ACSL1: variants seen among roughly 807,000 people sequenced by gnomAD.
ACSL1 encodes long-chain-fatty-acid--CoA ligase 1.
In ACSL1, 41 loss-of-function variants were observed where a neutral mutation model predicts 98.4. The ratio of observed to expected loss-of-function variants is 0.42; its 90% CI spans 0.32 to 0.54. The LOEUF (loss-of-function observed/expected upper bound fraction) is 0.54, where lower values mean the gene tolerates loss of function less well. Ranked by LOEUF, ACSL1 falls within the 20% of genes least tolerant of loss-of-function variation. The probability of loss-of-function intolerance (pLI) is 0.13; values close to 1 mark genes in which losing one functional copy is unlikely to be tolerated. For missense variants in ACSL1, 734 were observed against 883.1 expected (o/e 0.83, Z 2.14); for synonymous variants, 316 against 322.7 (o/e 0.98, Z 0.22).
chr4:184,796,117 C>A (rs1239707395), intron 2 of ACSL1, among the ~76,000 whole-genome samples: 1 of 152,214 alleles, frequency 6.6e-6, no homozygotes, highest in Non-Finnish European at 1.5e-5. Flanking sequence ...CAGCTGCCAG[C>A]ATGGCCAAAA....
intron 2 of ACSL1, among the ~76,000 whole-genome samples, chr4:184,790,686 T>G (rs1303942697): frequency 6.6e-6 from 1 of 152,250 alleles, no homozygotes; most frequent in Non-Finnish European, 1.5e-5. Flanking sequence ...CTGTTTTCTT[T>G]TCTGTAAAAT....
At chr4:184,762,359 C>T (rs1335926063) in intron 17 of ACSL1, 48 bp downstream of exon 17, 7 of 1,484,952 alleles carry the variant, frequency 4.7e-6, no homozygotes, top group East Asian at 4.5e-5. Context: ...CATTTTCTTC[C>T]CCACAGTGGA....
rs1218018006 is a variant in ACSL1, at chr4:184,816,714, TC to T, written c.-33+9201del. Among the ~76,000 whole-genome samples, 20 of 152,264 alleles carry T rather than the reference TC, an allele frequency of 1.3e-4. 1 individual carries two copies. Among genetic ancestry groups the T allele is most frequent in the Admixed American group, 4.6e-4 (7 of 15,258 alleles). ...GTTTTGCTGTTTCATTATACCCACT[TC>T]TTAAAAAATTACTTTAAGTTACATC... On this transcript the variant is annotated intron_variant, in intron 1 of 20. Transcript: ENST00000281455.
Position 184,768,421 on chromosome 4 carries a change from G to A in ACSL1, c.1023C>T (p.Ile341=), listed in dbSNP as rs771970470. ...GCCTGATATCTCCTTGGAAAAATCC[G>A]ATTTTAGCTCCATGACACAGCATTA... ...ECVMLCHGAK[I]GFFQGDIRLL... is the part of the protein sequence containing the mutation. Residue 341 remains isoleucine, a synonymous_variant, in exon 12 of 21, where the codon ATC becomes ATT. Transcript: ENST00000281455. 2.1e-5 allele frequency: 34 copies of A among 1,613,572 alleles called. No homozygotes were observed. The highest frequency in any genetic ancestry group is 1.6e-4 in the Middle Eastern group (1 of 6,080).
At chr4:184,775,813 T>C (rs1221330448) in intron 7 of ACSL1, among the ~76,000 whole-genome samples, 1 of 152,260 alleles carries the variant, frequency 6.6e-6, no homozygotes, top group African/African-American at 2.4e-5. Context: ...TGTTTTCCTA[T>C]GACTTGTTAT....
chr4:184,771,114 A>G (rs1231713430), intron 10 of ACSL1, among the ~76,000 whole-genome samples: 1 of 152,020 alleles, frequency 6.6e-6, no homozygotes, highest in Non-Finnish European at 1.5e-5. Flanking sequence ...ACAGAGTGAG[A>G]CTCTGAATCA....
intron 18 of ACSL1, 87 bp from the exon 19 acceptor site, chr4:184,758,007 T>C (rs1762343565): frequency 7.8e-7 from 1 of 1,285,610 alleles, no homozygotes; most frequent in Non-Finnish European, 1.1e-6. Flanking sequence ...TGTGGCCCCC[T>C]GGGAGAATAT....
At chr4:184,810,871 G>A (rs1377669174) in intron 1 of ACSL1, among the ~76,000 whole-genome samples, 7 of 152,148 alleles carry the variant, frequency 4.6e-5, no homozygotes, top group South Asian at 4.1e-4. Flanking sequence ...ATGCGTCCTC[G>A]TCACAGTCCT....
chr4:184,809,652 C>T (rs1035204034), intron 1 of ACSL1, among the ~76,000 whole-genome samples: 2 of 151,974 alleles, frequency 1.3e-5, no homozygotes, highest in African/African-American at 4.8e-5. Flanking sequence ...AAAAATTAGC[C>T]AGGCGTGGTG....
chr4:184,809,668 C>T (rs1390748259), intron 1 of ACSL1, among the ~76,000 whole-genome samples: 6 of 151,850 alleles, frequency 4.0e-5, no homozygotes, highest in African/African-American at 9.7e-5. Flanking sequence ...TGGTGGCAGG[C>T]GCCTGTAGTC....
Position 184,803,308 on chromosome 4 carries a change from C to T in ACSL1, c.195+12G>A. 6.4e-7 allele frequency: 1 copy of T among 1,558,162 alleles called. No homozygotes were observed. The highest frequency in any genetic ancestry group is 8.7e-7 in the Non-Finnish European group (1 of 1,149,014). ...GAGAAAACGCACGAGGCAGGCTGGGCCCTCCACTCACCGCCACTTCCACTG... is the reference window on the plus strand; with the variant it reads ...GAGAAAACGCACGAGGCAGGCTGGGTCCTCCACTCACCGCCACTTCCACTG... On this transcript the variant is annotated intron_variant, in intron 2 of 20. Coordinates refer to ENST00000281455, the MANE Select transcript of ACSL1 (RefSeq NM_001995.5). The surrounding 1 kb of genome is among the most constrained non-coding windows in gnomAD (Gnocchi z 4.8).
chr4:184,787,541 G>T (rs115771174), intron 3 of ACSL1, among the ~76,000 whole-genome samples: 171 of 152,256 alleles, frequency 1.1e-3, no homozygotes, highest in African/African-American at 3.9e-3. Flanking sequence ...ACCCAGGCTG[G>T]GGGTAGAAAG....
rs749121413 is a variant in ACSL1, at chr4:184,770,405, A to C, written c.987T>G (p.Val329=). Residue 329 remains valine (V), a synonymous_variant, in exon 11 of 21, where the codon GTT becomes GTG. Transcript: ENST00000281455. ...FLPLAHMFER[V]VECVMLCHGA... ...AACAAAATTAAATGCCTACCTCTACAACTCTCTCAAACATATGGGCGAGAG... is the reference window on the plus strand; with the variant it reads ...AACAAAATTAAATGCCTACCTCTACCACTCTCTCAAACATATGGGCGAGAG... 1 of 1,613,486 alleles carries C rather than the reference A, an allele frequency of 6.2e-7. No homozygotes were observed. Among genetic ancestry groups the C allele is most frequent in the Non-Finnish European group, 8.5e-7 (1 of 1,179,820 alleles).
intron 12 of ACSL1, chr4:184,768,089 G>A: frequency 2.0e-6 from 1 of 505,384 alleles, no homozygotes; most frequent in Non-Finnish European, 3.4e-6. Context: ...TGCTTGTGTT[G>A]TGACCATGGT....
intron 1 of ACSL1, chr4:184,820,968 G>T: frequency 2.2e-6 from 1 of 454,148 alleles, no homozygotes. Flanking sequence ...CACAGACCCT[G>T]AAGCCAGACT....
rs779870176 is a variant in ACSL1 at position 184,778,618 on chromosome 4, G to A, written c.478-1635C>T. On this transcript the variant is annotated intron_variant, in intron 5 of 20. Coordinates refer to ENST00000281455, the MANE Select transcript of ACSL1 (RefSeq NM_001995.5). ...CTTACCACTTGACAGAGAAAGCACC[G>A]GTGTTTAGGTCTGTCTTGCCTTACG... 1.6e-4 allele frequency among the ~76,000 whole-genome samples: 25 copies of A among 152,288 alleles called. 1 individual carries two copies. In the Middle Eastern group the frequency reaches 0.017, roughly 104 times the overall value.
chr4:184,760,352 C>T lies in ACSL1; in HGVS notation c.1782+5G>A. The T allele has an allele frequency of 3.1e-6, 5 of 1,614,058 alleles. No individual in the cohort carries two copies. The highest frequency in any genetic ancestry group is 1.7e-4 in the Middle Eastern group (1 of 6,060). Reference sequence around the variant, plus strand: ...AGCAAGATTCAAGACCCAGAAAGCACATACCTGCAGGCTTTCTCCGTGGAC... The same window carrying T: ...AGCAAGATTCAAGACCCAGAAAGCATATACCTGCAGGCTTTCTCCGTGGAC... On this transcript the variant is annotated splice_donor_5th_base_variant and intron_variant, in intron 18 of 20. Coordinates refer to ENST00000281455, the MANE Select transcript of ACSL1 (RefSeq NM_001995.5).
intron 2 of ACSL1, among the ~76,000 whole-genome samples, chr4:184,791,176 A>G (rs552420873): frequency 2.2e-4 from 33 of 152,352 alleles, no homozygotes; most frequent in African/African-American, 7.7e-4. Context: ...GGTCTTTTTC[A>G]GTGCTCTCTC....
At position 184,757,686 on chromosome 4, in the gene ACSL1, G is replaced by A. The variant is rs74654630; in HGVS notation, c.1905C>T (p.Leu635=). 4,553 of 1,613,976 alleles carry A rather than the reference G, an allele frequency of 2.8e-3. 77 individuals carry two copies. In the East Asian group the frequency reaches 0.036, roughly 13 times the overall value. ...CCTTCCCAAGTCTCACCATATCTTC[G>A]AGGATAGCTTTTTTGACATCCTAAA... ...CRNKDVKKAI[L]EDMVRLGKDS... is the part of the protein sequence containing the mutation. The change falls in exon 20 of 21, where the codon CTC becomes CTT. Residue 635 remains leucine (L), a synonymous_variant. Transcript: ENST00000281455. This position sits in a 1 kb window ranked among gnomAD's most constrained non-coding sequence, Gnocchi z 4.5.
Sources: gnomAD v4.1 joint callset for allele counts (sites outside exome capture counted in the v4.1 genomes callset) on GRCh38, gnomAD v4.1.1 for gene constraint, Gnocchi (gnomAD v3.1) non-coding constraint, MANE v1.5 for transcripts, NCBI Gene and HGNC (gene_info 2026-07-23, HGNC 2026-07-21) for gene names.